ATP11C: variants seen among roughly 807,000 people sequenced by gnomAD.
The protein encoded by ATP11C is phospholipid-transporting ATPase IG.
In ATP11C, 36 loss-of-function variants were observed where a neutral mutation model predicts 97.4. The ratio of observed to expected loss-of-function variants is 0.37; its 90% CI spans 0.28 to 0.49. The LOEUF (loss-of-function observed/expected upper bound fraction) is 0.49, where lower values mean the gene tolerates loss of function less well. ATP11C is among the 20% of genes least tolerant of loss of function. The probability of loss-of-function intolerance (pLI) is 0.98; values close to 1 mark genes in which losing one functional copy is unlikely to be tolerated. For synonymous variants in ATP11C, 275 were observed against 290.9 expected (o/e 0.95, Z 0.56); for missense variants, 730 against 824.6 (o/e 0.89, Z 1.40).
chrX:139,899,981 C>T (rs1430930155), intron 1 of ATP11C, among the ~76,000 whole-genome samples: 2 of 111,519 alleles, frequency 1.8e-5, no homozygotes, highest in Non-Finnish European at 3.8e-5. Flanking sequence ...GGATGAGCGA[C>T]CTATTTTAAC....
chrX:139,836,634 A>G (rs2083754889), intron 1 of ATP11C, among the ~76,000 whole-genome samples: 1 of 112,192 alleles, frequency 8.9e-6, no homozygotes, highest in Non-Finnish European at 1.9e-5. Context: ...GCCTTTAAAA[A>G]AAATGTTTAA....
chrX:139,905,420 T>C (rs1027150432), intron 1 of ATP11C, among the ~76,000 whole-genome samples: 2 of 112,170 alleles, frequency 1.8e-5, no homozygotes, highest in African/African-American at 6.5e-5. Flanking sequence ...TATAGGAGCA[T>C]CTTACTTTTA....
At chrX:139,822,223 G>A (rs1250308230) in intron 2 of ATP11C, among the ~76,000 whole-genome samples, 1 of 112,185 alleles carries the variant, frequency 8.9e-6, no homozygotes, top group Non-Finnish European at 1.9e-5. Flanking sequence ...TTGAAACAGA[G>A]TCTCACACTG....
intron 5 of ATP11C, 131 bp from the exon 6 acceptor site, chrX:139,804,730 A>C (rs1181074992): frequency 7.5e-5 from 34 of 452,596 alleles, no homozygotes; most frequent in Non-Finnish European, 1.1e-4. Flanking sequence ...AGCATCCTAC[A>C]TCATGTGAAA....
chrX:139,864,624 C>T (rs1021827658), intron 1 of ATP11C, among the ~76,000 whole-genome samples: 2 of 111,996 alleles, frequency 1.8e-5, no homozygotes, highest in African/African-American at 6.5e-5. Context: ...CATATAGTGT[C>T]TGGCCCATAG....
At chrX:139,854,695 A>G (rs1232944602) in intron 1 of ATP11C, among the ~76,000 whole-genome samples, 1 of 112,704 alleles carries the variant, frequency 8.9e-6, no homozygotes, top group Non-Finnish European at 1.9e-5. Flanking sequence ...ACTATTGCAG[A>G]AACAGTTTAT....
At chrX:139,891,639 T>C (rs1388487944) in intron 1 of ATP11C, among the ~76,000 whole-genome samples, 2 of 111,426 alleles carry the variant, frequency 1.8e-5, no homozygotes, top group African/African-American at 6.5e-5. Flanking sequence ...TAGCTAAAGG[T>C]AGATGTTTAG....
chrX:139,776,567 C>T (rs993213975), intron 18 of ATP11C, among the ~76,000 whole-genome samples: 2 of 111,396 alleles, frequency 1.8e-5, no homozygotes, highest in Admixed American at 1.9e-4. Flanking sequence ...GGATGAGGAG[C>T]TGGTGCACCC....
rs577732149 is a variant in ATP11C at position 139,826,774 on chromosome X, T to C, written c.77A>G (p.Asn26Ser). 247 of 1,207,283 alleles carry C rather than the reference T, an allele frequency of 2.0e-4. No individual in the cohort carries two copies. The highest frequency in any genetic ancestry group is 2.5e-4 in the Non-Finnish European group (224 of 893,145). ...AGCTTCTGTTTCCGAAACTGGATGA[T>C]TGCCAACAAACACTGTGCGTGTGCC... ...RVGTRTVFVG[N>S]HPVSETEAYI... The change falls in exon 2 of 30, where the codon AAT (asparagine) becomes AGT (serine). Residue 26 changes from asparagine (N) to serine (S), a missense_variant. Coordinates refer to ENST00000682941, the MANE Select transcript of ATP11C (RefSeq NM_001353812.2).
rs189942339 is a variant in ATP11C, at chrX:139,732,911, G to A, written c.3289-1156C>T. Among the ~76,000 whole-genome samples the A allele has an allele frequency of 1.4e-3, 152 of 111,526 alleles. 1 individual carries two copies. The highest frequency in any genetic ancestry group is 4.8e-3 in the African/African-American group (147 of 30,797). On this transcript the variant is annotated intron_variant, in intron 28 of 29. Coordinates refer to ENST00000682941, the MANE Select transcript of ATP11C (RefSeq NM_001353812.2). ...TCCATTGGTCAAAGAGTTATGTCCA[G>A]GGTCCATTGCCAATCACCAATCTAT... is the stretch of plus-strand genomic sequence containing the variant.
rs866834058 is a variant in ATP11C at position 139,818,293 on chromosome X, T to A, written c.237+1045A>T. Among the ~76,000 whole-genome samples, 33 of 112,200 alleles carry A rather than the reference T, an allele frequency of 2.9e-4. No homozygotes were observed. In the Middle Eastern group the frequency reaches 0.014, roughly 47 times the overall value. Reference sequence around the variant, plus strand: ...GTTATGTGACTGGTCTTCTCAGCTATAGCATAAATTCTTTAAGAGTAGAAA... The same window carrying A: ...GTTATGTGACTGGTCTTCTCAGCTAAAGCATAAATTCTTTAAGAGTAGAAA... On this transcript the variant is annotated intron_variant, in intron 3 of 29. Transcript: ENST00000682941.
At chrX:139,803,683 A>ATTTTT (rs2082976226) in intron 6 of ATP11C, among the ~76,000 whole-genome samples, 1 of 59,782 alleles carries the variant, frequency 1.7e-5, no homozygotes, top group African/African-American at 7.0e-5. Context: ...ACTACACCCT[A>ATTTTT]TCTTTTTTTT....
chrX:139,861,618 GT>G (rs1245981735), intron 1 of ATP11C, among the ~76,000 whole-genome samples: 1 of 111,267 alleles, frequency 9.0e-6, no homozygotes, highest in Non-Finnish European at 1.9e-5. Context: ...GGTTATGTGG[GT>G]GATCCTAGTT....
At chrX:139,745,886 T>C (rs1335104231) in intron 24 of ATP11C, 29 bp from the exon 25 acceptor site, 1 of 1,181,160 alleles carries the variant, frequency 8.5e-7, no homozygotes, top group Non-Finnish European at 1.1e-6. Context: ...AAAAAACCAT[T>C]AGTGAAACTT....
rs773881674 is a variant in ATP11C, at chrX:139,802,315, T to C, written c.580A>G (p.Ile194Val). ...ATGGATTCTGCTGTACACAGTGCAA[T>C]GGTATCACGTACTGCATAATGTGTC... ...CKTHYAVRDT[I>V]ALCTAESIDT... Residue 194 changes from isoleucine (I) to valine (V), a missense_variant, in exon 7 of 30, where the codon ATT (isoleucine) becomes GTT (valine). Physicochemically the swap from Ile to Val is conservative, Grantham distance 29. Transcript: ENST00000682941. 3.9e-5 allele frequency: 47 copies of C among 1,199,413 alleles called. No homozygotes were observed. Among genetic ancestry groups the C allele is most frequent in the Non-Finnish European group, 5.1e-5 (45 of 885,692 alleles).
intron 24 of ATP11C, among the ~76,000 whole-genome samples, chrX:139,749,577 G>A (rs1295526968): frequency 1.8e-5 from 2 of 111,598 alleles, no homozygotes; most frequent in African/African-American, 6.5e-5. Context: ...TTTAGAATGG[G>A]GCTAACAAAG....
rs147296716 is a variant in ATP11C, at chrX:139,911,327, T to A, written c.27+20689A>T. Reference sequence around the variant, plus strand: ...AAAATAGTAAAAGGAAATAAACAAGTAGATAAGGAGAGAAACATAAATGGC... The same window carrying A: ...AAAATAGTAAAAGGAAATAAACAAGAAGATAAGGAGAGAAACATAAATGGC... On this transcript the variant is annotated intron_variant, in intron 1 of 29. Coordinates refer to ENST00000682941, the MANE Select transcript of ATP11C (RefSeq NM_001353812.2). Among the ~76,000 whole-genome samples, 846 of 111,581 alleles carry A rather than the reference T, an allele frequency of 7.6e-3. 6 individuals carry two copies. The highest frequency in any genetic ancestry group is 0.025 in the African/African-American group (764 of 30,776).
chrX:139,801,468 G>A (rs1335305594), intron 7 of ATP11C, among the ~76,000 whole-genome samples: 1 of 112,012 alleles, frequency 8.9e-6, no homozygotes, highest in African/African-American at 3.2e-5. Flanking sequence ...CCACTACTAG[G>A]TGTTAGTGTA....
intron 12 of ATP11C, among the ~76,000 whole-genome samples, chrX:139,790,363 C>T (rs888273073): frequency 4.5e-5 from 5 of 111,071 alleles, no homozygotes; most frequent in African/African-American, 9.8e-5. Flanking sequence ...GCCACCATGC[C>T]CAGCCAGTTA....
Sources: allele counts gnomAD v4.1 joint callset (sites outside exome capture counted in the v4.1 genomes callset), GRCh38; gene constraint gnomAD v4.1.1; transcripts MANE v1.5; gene names NCBI Gene and HGNC (gene_info 2026-07-23, HGNC 2026-07-21).